H4C1: variants seen among roughly 807,000 people sequenced by gnomAD.
The protein encoded by H4C1 is histone H4.
H4C1 carries 9 observed loss-of-function variants against 4.4 expected under a neutral mutation model. That is an observed-to-expected ratio of 2.05 (90% CI 1.23 to 3.57). The LOEUF (loss-of-function observed/expected upper bound fraction) is 3.57, where lower values mean the gene tolerates loss of function less well. Among genes scored for constraint, H4C1 ranks in the 30% most tolerant of loss-of-function variants. H4C1 has a pLI of 0.00. For missense variants in H4C1, 124 were observed against 148.8 expected, an observed-to-expected ratio of 0.83 and a Z score of 0.87; for synonymous variants, 74 against 57.9, an observed-to-expected ratio of 1.28 and a Z score of -1.27.
rs1761261722 is a variant in H4C1, at chr6:26,021,776, C to T, written c.98C>T (p.Pro33Leu). 1 of 1,614,130 alleles carries T rather than the reference C, an allele frequency of 6.2e-7. No individual in the cohort carries two copies. ...GACAACATCCAGGGCATCACCAAGC[C>T]GGCCATCCGGCGTCTGGCCCGGCGT... ...LRDNIQGITK[P>L]AIRRLARRGG... Residue 33 changes from proline (P) to leucine (L), a missense_variant, in exon 1 of 1, where the codon CCG (proline) becomes CTG (leucine). Transcript: ENST00000617569.
rs375474676 is a variant in H4C1, at chr6:26,021,970, C to T, written c.292C>T (p.Leu98Phe). Residue 98 changes from leucine (L) to phenylalanine (F), a missense_variant, in exon 1 of 1, where the codon CTT becomes TTT. Physicochemically the swap from Leu to Phe is conservative, Grantham distance 22. Coordinates refer to ENST00000617569, the MANE Select transcript of H4C1 (RefSeq NM_003538.4). ...VYALKRQGRT[L>F]YGFGG ...CGCGCTTAAGCGCCAGGGACGCACCCTTTATGGCTTTGGCGGTTAAGGTTG... is the reference window on the plus strand; with the variant it reads ...CGCGCTTAAGCGCCAGGGACGCACCTTTTATGGCTTTGGCGGTTAAGGTTG... 3 of 1,594,236 alleles carry T rather than the reference C, an allele frequency of 1.9e-6. No homozygotes were observed. Among genetic ancestry groups the T allele is most frequent in the Non-Finnish European group, 2.6e-6 (3 of 1,168,720 alleles).
rs149921981 is a variant in H4C1 at position 26,022,032 on chromosome 6, C to T, written c.*42C>T. On this transcript the variant is annotated 3_prime_UTR_variant, in exon 1 of 1. Transcript: ENST00000617569. ...ACAGCTTGCATTTCTGAACCAAAGG[C>T]CCTTTTCAGGGCCGCCCAACTAAAC... The T allele has an allele frequency of 2.6e-6, 4 of 1,521,710 alleles. No homozygotes were observed. The South Asian group carries it at 5.3e-5, about 20-fold the overall frequency. 94.3% of individuals were successfully genotyped at this position (1,521,710 alleles called of 1,614,324 possible).
rs975775248 is a variant in H4C1 at position 26,022,046 on chromosome 6, G to C, written c.*56G>C. The C allele has an allele frequency of 2.0e-6, 3 of 1,468,262 alleles. No homozygotes were observed. The African/African-American group carries it at 4.2e-5, about 21-fold the overall frequency. The allele number at this position is 1,468,262 out of a possible 1,614,324, so 91.0% of individuals were successfully genotyped here. A position where few individuals can be genotyped will look rare whatever the true frequency, so the allele number is the denominator to read the frequency against. On this transcript the variant is annotated 3_prime_UTR_variant, in exon 1 of 1. Transcript: ENST00000617569. ...TGAACCAAAGGCCCTTTTCAGGGCC[G>C]CCCAACTAAACAAAAGAAGAGCTGT...
chr6:26,022,032 C>A lies in H4C1; in HGVS notation c.*42C>A, dbSNP rs149921981. 99 of 1,521,828 alleles carry A rather than the reference C, an allele frequency of 6.5e-5. No homozygotes were observed. In the East Asian group the frequency reaches 2.2e-3, roughly 34 times the overall value. 94.3% of individuals were successfully genotyped at this position (1,521,828 alleles called of 1,614,324 possible). A position where few individuals can be genotyped will look rare whatever the true frequency, so the allele number is the denominator to read the frequency against. On this transcript the variant is annotated 3_prime_UTR_variant, in exon 1 of 1. Transcript: ENST00000617569. ...ACAGCTTGCATTTCTGAACCAAAGG[C>A]CCTTTTCAGGGCCGCCCAACTAAAC...
Position 26,021,712 on chromosome 6 carries a change from G to C in H4C1, c.34G>C (p.Gly12Arg). 3 of 1,612,678 alleles carry C rather than the reference G, an allele frequency of 1.9e-6. No homozygotes were observed. Among genetic ancestry groups the C allele is most frequent in the Non-Finnish European group, 2.5e-6 (3 of 1,179,100 alleles). The change falls in exon 1 of 1, where the codon GGT becomes CGT. Residue 12 changes from glycine to arginine, a missense_variant. Physicochemically the swap from Gly to Arg is moderately radical, Grantham distance 125 (BLOSUM62 -2). Transcript: ENST00000617569. Reference sequence around the variant, plus strand: ...ACGTGGTAAGGGCGGGAAGGGTTTGGGTAAGGGGGGTGCCAAGCGCCACCG... The same window carrying C: ...ACGTGGTAAGGGCGGGAAGGGTTTGCGTAAGGGGGGTGCCAAGCGCCACCG... Reference protein sequence around the residue: ...SGRGKGGKGLGKGGAKRHRKV... With the variant: ...SGRGKGGKGLRKGGAKRHRKV...
chr6:26,021,920 C>T lies in H4C1; in HGVS notation c.242C>T (p.Thr81Ile). The T allele has an allele frequency of 6.2e-7, 1 of 1,613,970 alleles. No individual in the cohort carries two copies. The highest frequency in any genetic ancestry group is 8.5e-7 in the Non-Finnish European group (1 of 1,179,860). The change falls in exon 1 of 1, where the codon ACA becomes ATA. Residue 81 changes from threonine to isoleucine, a missense_variant. Coordinates refer to ENST00000617569, the MANE Select transcript of H4C1 (RefSeq NM_003538.4). ...VTYTEHAKRK[T>I]VTAMDVVYAL... ...TATACGGAGCACGCCAAGCGCAAGA[C>T]AGTCACTGCCATGGACGTGGTCTAC...
chr6:26,021,976 G>A lies in H4C1; in HGVS notation c.298G>A (p.Gly100Ser). 3 of 1,588,078 alleles carry A rather than the reference G, an allele frequency of 1.9e-6. No individual in the cohort carries two copies. The highest frequency in any genetic ancestry group is 2.6e-6 in the Non-Finnish European group (3 of 1,165,974). ...TAAGCGCCAGGGACGCACCCTTTAT[G>A]GCTTTGGCGGTTAAGGTTGCTGATT... ...ALKRQGRTLY[G>S]FGG The change falls in exon 1 of 1, where the codon GGC becomes AGC. Residue 100 changes from glycine to serine, a missense_variant. Gly to Ser is a moderately conservative substitution (Grantham distance 56). Coordinates refer to ENST00000617569, the MANE Select transcript of H4C1 (RefSeq NM_003538.4).
chr6:26,021,655 T>C lies in H4C1; in HGVS notation c.-24T>C. 6.4e-7 allele frequency: 1 copy of C among 1,567,744 alleles called. No individual in the cohort carries two copies. Among genetic ancestry groups the C allele is most frequent in the African/African-American group, 1.4e-5 (1 of 73,900 alleles). ...ATCGGTTTCCTATTCTCTCACTTGC[T>C]CTTGGTTCACTTCTTGGGAAGTCAT... On this transcript the variant is annotated 5_prime_UTR_variant, in exon 1 of 1. Transcript: ENST00000617569.
Position 26,021,792 on chromosome 6 carries a change from G to A in H4C1, c.114G>A (p.Leu38=), listed in dbSNP as rs894974573. Residue 38 remains leucine, a synonymous_variant, in exon 1 of 1, where the codon CTG becomes CTA. Coordinates refer to ENST00000617569, the MANE Select transcript of H4C1 (RefSeq NM_003538.4). ...TCACCAAGCCGGCCATCCGGCGTCTGGCCCGGCGTGGCGGTGTGAAGCGGA... is the reference window on the plus strand; with the variant it reads ...TCACCAAGCCGGCCATCCGGCGTCTAGCCCGGCGTGGCGGTGTGAAGCGGA... ...QGITKPAIRR[L]ARRGGVKRIS... 1.2e-6 allele frequency: 2 copies of A among 1,614,172 alleles called. No homozygotes were observed. The highest frequency in any genetic ancestry group is 2.7e-5 in the African/African-American group (2 of 74,958).
rs1307469214 is a variant in H4C1, at chr6:26,021,883, G to A, written c.205G>A (p.Asp69Asn). The change falls in exon 1 of 1, where the codon GAC (aspartate) becomes AAC (asparagine). Residue 69 changes from aspartate to asparagine, a missense_variant. Transcript: ENST00000617569. ...LKVFLENVIR[D>N]AVTYTEHAKR... ...GGTGTTTTTGGAGAACGTGATCCGT[G>A]ACGCTGTCACCTATACGGAGCACGC... 1 of 1,614,244 alleles carries A rather than the reference G, an allele frequency of 6.2e-7. No individual in the cohort carries two copies. The highest frequency in any genetic ancestry group is 8.5e-7 in the Non-Finnish European group (1 of 1,180,032).
chr6:26,021,996 C>T lies in H4C1; in HGVS notation c.*6C>T, dbSNP rs1314515438. On this transcript the variant is annotated 3_prime_UTR_variant, in exon 1 of 1. Transcript: ENST00000617569. Reference sequence around the variant, plus strand: ...TTTATGGCTTTGGCGGTTAAGGTTGCTGATTTCTCCACAGCTTGCATTTCT... The same window carrying T: ...TTTATGGCTTTGGCGGTTAAGGTTGTTGATTTCTCCACAGCTTGCATTTCT... The T allele has an allele frequency of 1.9e-6, 3 of 1,563,466 alleles. No individual in the cohort carries two copies. The highest frequency in any genetic ancestry group is 2.6e-6 in the Non-Finnish European group (3 of 1,154,192).
In H4C1 at chr6:26,022,022, G is replaced by T; in HGVS notation, c.*32G>T. 6.5e-7 allele frequency: 1 copy of T among 1,534,544 alleles called. No homozygotes were observed. The highest frequency in any genetic ancestry group is 8.8e-7 in the Non-Finnish European group (1 of 1,141,634). ...TGATTTCTCCACAGCTTGCATTTCT[G>T]AACCAAAGGCCCTTTTCAGGGCCGC... On this transcript the variant is annotated 3_prime_UTR_variant, in exon 1 of 1. Coordinates refer to ENST00000617569, the MANE Select transcript of H4C1 (RefSeq NM_003538.4).
chr6:26,021,712 G>T lies in H4C1; in HGVS notation c.34G>T (p.Gly12Cys). The change falls in exon 1 of 1, where the codon GGT becomes TGT. Residue 12 changes from glycine to cysteine, a missense_variant. Physicochemically the swap from Gly to Cys is radical, Grantham distance 159 (BLOSUM62 -3). Transcript: ENST00000617569. ...ACGTGGTAAGGGCGGGAAGGGTTTGGGTAAGGGGGGTGCCAAGCGCCACCG... is the reference window on the plus strand; with the variant it reads ...ACGTGGTAAGGGCGGGAAGGGTTTGTGTAAGGGGGGTGCCAAGCGCCACCG... Reference protein sequence around the residue: ...SGRGKGGKGLGKGGAKRHRKV... With the variant: ...SGRGKGGKGLCKGGAKRHRKV... 1 of 1,612,678 alleles carries T rather than the reference G, an allele frequency of 6.2e-7. No homozygotes were observed. The highest frequency in any genetic ancestry group is 8.5e-7 in the Non-Finnish European group (1 of 1,179,100).
At position 26,021,912 on chromosome 6, in the gene H4C1, G is replaced by A; in HGVS notation, c.234G>A (p.Lys78=). The A allele has an allele frequency of 6.2e-7, 1 of 1,614,168 alleles. No homozygotes were observed. Among genetic ancestry groups the A allele is most frequent in the Non-Finnish European group, 8.5e-7 (1 of 1,179,964 alleles). ...CTGTCACCTATACGGAGCACGCCAA[G>A]CGCAAGACAGTCACTGCCATGGACG... ...RDAVTYTEHA[K]RKTVTAMDVV... is the part of the protein sequence containing the mutation. The change falls in exon 1 of 1, where the codon AAG becomes AAA. Residue 78 remains lysine (K), a synonymous_variant. Transcript: ENST00000617569.
At position 26,021,917 on chromosome 6, in the gene H4C1, A is replaced by T; in HGVS notation, c.239A>T (p.Lys80Met). Residue 80 changes from lysine to methionine, a missense_variant, in exon 1 of 1, where the codon AAG (lysine) becomes ATG (methionine). Coordinates refer to ENST00000617569, the MANE Select transcript of H4C1 (RefSeq NM_003538.4). ...AVTYTEHAKR[K>M]TVTAMDVVYA... ...ACCTATACGGAGCACGCCAAGCGCA[A>T]GACAGTCACTGCCATGGACGTGGTC... 1.2e-6 allele frequency: 2 copies of T among 1,614,152 alleles called. No homozygotes were observed. Among genetic ancestry groups the T allele is most frequent in the Non-Finnish European group, 1.7e-6 (2 of 1,179,956 alleles).
Position 26,021,667 on chromosome 6 carries a change from T to G in H4C1, c.-12T>G. The G allele has an allele frequency of 6.3e-7, 1 of 1,584,858 alleles. No homozygotes were observed. Among genetic ancestry groups the G allele is most frequent in the Non-Finnish European group, 8.6e-7 (1 of 1,163,392 alleles). On this transcript the variant is annotated 5_prime_UTR_variant, in exon 1 of 1. Coordinates refer to ENST00000617569, the MANE Select transcript of H4C1 (RefSeq NM_003538.4). ...TTCTCTCACTTGCTCTTGGTTCACT[T>G]CTTGGGAAGTCATGTCTGGACGTGG...
chr6:26,021,668 C>G lies in H4C1; in HGVS notation c.-11C>G. 6.3e-7 allele frequency: 1 copy of G among 1,585,440 alleles called. No individual in the cohort carries two copies. Among genetic ancestry groups the G allele is most frequent in the Non-Finnish European group, 8.6e-7 (1 of 1,163,672 alleles). On this transcript the variant is annotated 5_prime_UTR_variant, in exon 1 of 1. Transcript: ENST00000617569. The stretch of plus-strand genomic sequence containing the variant: ...TCTCTCACTTGCTCTTGGTTCACTT[C>G]TTGGGAAGTCATGTCTGGACGTGGT...
chr6:26,021,906 C>G lies in H4C1; in HGVS notation c.228C>G (p.His76Gln). The G allele has an allele frequency of 6.2e-7, 1 of 1,614,150 alleles. No homozygotes were observed. The highest frequency in any genetic ancestry group is 8.5e-7 in the Non-Finnish European group (1 of 1,179,988). ...GTGACGCTGTCACCTATACGGAGCA[C>G]GCCAAGCGCAAGACAGTCACTGCCA... ...VIRDAVTYTE[H>Q]AKRKTVTAMD... The change falls in exon 1 of 1, where the codon CAC (histidine) becomes CAG (glutamine). Residue 76 changes from histidine (H) to glutamine (Q), a missense_variant. Coordinates refer to ENST00000617569, the MANE Select transcript of H4C1 (RefSeq NM_003538.4).
In H4C1 at chr6:26,021,897, T is replaced by C. The variant is rs1197465645; in HGVS notation, c.219T>C (p.Tyr73=). 3 of 1,614,060 alleles carry C rather than the reference T, an allele frequency of 1.9e-6. No homozygotes were observed. Among genetic ancestry groups the C allele is most frequent in the African/African-American group, 2.7e-5 (2 of 74,946 alleles). ...LENVIRDAVT[Y]TEHAKRKTVT... ...ACGTGATCCGTGACGCTGTCACCTA[T>C]ACGGAGCACGCCAAGCGCAAGACAG... The change falls in exon 1 of 1, where the codon TAT becomes TAC. Residue 73 remains tyrosine, a synonymous_variant. Coordinates refer to ENST00000617569, the MANE Select transcript of H4C1 (RefSeq NM_003538.4).
Sources: allele counts gnomAD v4.1 joint callset, GRCh38; gene constraint gnomAD v4.1.1; transcripts MANE v1.5; gene names NCBI Gene and HGNC (gene_info 2026-07-23, HGNC 2026-07-21).